The following PTH2R variants were observed in gnomAD, a reference collection of about 807,000 sequenced individuals.
The protein encoded by PTH2R is parathyroid hormone 2 receptor.
Under a neutral mutation model 60.3 loss-of-function variants are expected in PTH2R, and 59 were observed. That is an observed-to-expected ratio of 0.98 (90% CI 0.79 to 1.22). PTH2R has a LOEUF of 1.22. Among genes scored for constraint, PTH2R ranks in the 50% most tolerant of loss-of-function variants. The pLI is 0.00. For synonymous variants in PTH2R, 256 were observed against 243.8 expected, an observed-to-expected ratio of 1.05 and a Z score of -0.47; for missense variants, 749 against 682.6, an observed-to-expected ratio of 1.10 and a Z score of -1.08.
chr2:208,488,139 A>T (rs925662643), intron 10 of PTH2R, among the ~76,000 whole-genome samples: 1 of 152,194 alleles, frequency 6.6e-6, no homozygotes, highest in African/African-American at 2.4e-5. Flanking sequence ...AGAGGCAGTT[A>T]AGGAGAATGA....
chr2:208,396,740 C>A (rs1701216643), intron 1 of PTH2R, among the ~76,000 whole-genome samples: 1 of 152,186 alleles, frequency 6.6e-6, no homozygotes, highest in African/African-American at 2.4e-5. Context: ...TTGTGGAAGA[C>A]AGTGCGGTGA....
intron 1 of PTH2R, among the ~76,000 whole-genome samples, chr2:208,365,961 T>TATATATATATATATATATA (rs1491452832): frequency 9.1e-5 from 1 of 11,042 alleles, no homozygotes; most frequent in Non-Finnish European, 1.5e-4. Flanking sequence ...TATATATATA[T>TATATATATATATATATATA]TTTTTTTTTT....
intron 9 of PTH2R, among the ~76,000 whole-genome samples, chr2:208,474,025 G>A (rs1702942120): frequency 6.6e-6 from 1 of 152,132 alleles, no homozygotes; most frequent in South Asian, 2.1e-4. Flanking sequence ...CATTAGCAGA[G>A]GAGGTGCAAC....
At chr2:208,393,476 G>T (rs1234504052) in intron 1 of PTH2R, among the ~76,000 whole-genome samples, 2 of 152,122 alleles carry the variant, frequency 1.3e-5, no homozygotes, top group Non-Finnish European at 2.9e-5. Flanking sequence ...TTCATCTCCT[G>T]AGTTATTGGG....
At position 208,494,466 on chromosome 2, in the gene PTH2R, A is replaced by T. The variant is rs1703488063; in HGVS notation, c.*807A>T. On this transcript the variant is annotated 3_prime_UTR_variant, in exon 13 of 13. Coordinates refer to ENST00000272847, the MANE Select transcript of PTH2R (RefSeq NM_005048.4). Reference sequence around the variant, plus strand: ...CTTGTTTGAGCTGTTACTACATTGTACATGGCATGTGGGATCAATTAAAAA... The same window carrying T: ...CTTGTTTGAGCTGTTACTACATTGTTCATGGCATGTGGGATCAATTAAAAA... 6.6e-6 allele frequency: 1 copy of T among 152,252 alleles called. No individual in the cohort carries two copies. 9.4% of individuals were successfully genotyped at this position (152,252 alleles called of 1,614,324 possible). A position where few individuals can be genotyped will look rare whatever the true frequency, so the allele number is the denominator to read the frequency against.
intron 1 of PTH2R, among the ~76,000 whole-genome samples, chr2:208,378,266 G>A (rs1436461309): frequency 8.0e-5 from 12 of 150,070 alleles, no homozygotes; most frequent in Non-Finnish European, 1.8e-4. Context: ...CCAGGCACTC[G>A]GCAGGCTGAG....
chr2:208,369,043 G>C (rs1700645297), intron 1 of PTH2R, among the ~76,000 whole-genome samples: 2 of 151,480 alleles, frequency 1.3e-5, no homozygotes, highest in South Asian at 4.1e-4. Flanking sequence ...TGGTTTGTAG[G>C]AAAAAGTAGT....
chr2:208,394,398 G>C (rs573870694), intron 1 of PTH2R, among the ~76,000 whole-genome samples: 9 of 152,338 alleles, frequency 5.9e-5, no homozygotes, highest in African/African-American at 1.9e-4. Context: ...CTTCCTTTCA[G>C]TATGTGATCC....
At chr2:208,408,730 GAGAGAGAGAA>G (rs1701473270) in intron 1 of PTH2R, among the ~76,000 whole-genome samples, 1 of 55,170 alleles carries the variant, frequency 1.8e-5, no homozygotes, top group African/African-American at 3.7e-5. Flanking sequence ...GAAAGAGAGA[GAGAGAGAGAA>G]AGAGAGAGAG....
intron 1 of PTH2R, among the ~76,000 whole-genome samples, chr2:208,415,126 C>A (rs1369314657): frequency 6.6e-6 from 1 of 152,028 alleles, no homozygotes; most frequent in Non-Finnish European, 1.5e-5. Context: ...TAGTGAATAA[C>A]AATAGATCAA....
intron 1 of PTH2R, among the ~76,000 whole-genome samples, chr2:208,383,582 T>C (rs1700952993): frequency 6.6e-6 from 1 of 152,254 alleles, no homozygotes; most frequent in South Asian, 2.1e-4. Context: ...ATTCTGGCCA[T>C]ATTATGCAGC....
intron 1 of PTH2R, among the ~76,000 whole-genome samples, chr2:208,425,822 GCTT>G (rs1450344706): frequency 6.6e-6 from 1 of 152,138 alleles, no homozygotes; most frequent in Non-Finnish European, 1.5e-5. Context: ...AGAGTTTCCA[GCTT>G]CTTTTACTCC....
chr2:208,416,981 C>T (rs150177905), intron 1 of PTH2R, among the ~76,000 whole-genome samples: 4,414 of 152,152 alleles, frequency 0.029, 91 homozygotes, highest in Non-Finnish European at 0.043. Context: ...TATATCTATT[C>T]CATTAGTTCT....
rs775917620 is a variant in PTH2R at position 208,443,347 on chromosome 2, G to A, written c.510-1G>A. 1 of 1,543,342 alleles carries A rather than the reference G, an allele frequency of 6.5e-7. No individual in the cohort carries two copies. Among genetic ancestry groups the A allele is most frequent in the East Asian group, 2.4e-5 (1 of 41,810 alleles). ...TAAATACTGAATATTTCTCTCCGTA[G>A]ACGATTGCATTGCACTAGGAACTAT... On this transcript the variant is annotated splice_acceptor_variant, in intron 5 of 12. Coordinates refer to ENST00000272847, the MANE Select transcript of PTH2R (RefSeq NM_005048.4). LOFTEE classifies it high-confidence loss of function.
At chr2:208,375,115 A>G (rs1193963485) in intron 1 of PTH2R, among the ~76,000 whole-genome samples, 1 of 152,092 alleles carries the variant, frequency 6.6e-6, no homozygotes, top group Non-Finnish European at 1.5e-5. Flanking sequence ...TAGAGATGAG[A>G]TTTGTTTTTA....
At chr2:208,440,665 A>G (rs539484648) in intron 4 of PTH2R, among the ~76,000 whole-genome samples, 16 of 152,320 alleles carry the variant, frequency 1.1e-4, no homozygotes, top group African/African-American at 3.8e-4. Context: ...AAGGGGAGAA[A>G]ACAGGCTATT....
At chr2:208,385,172 A>G (rs921511276) in intron 1 of PTH2R, among the ~76,000 whole-genome samples, 2 of 152,052 alleles carry the variant, frequency 1.3e-5, no homozygotes, top group African/African-American at 4.8e-5. Flanking sequence ...TAAAATATAC[A>G]GGGAAATGAT....
intron 9 of PTH2R, among the ~76,000 whole-genome samples, chr2:208,476,903 C>T (rs1004685864): frequency 6.6e-6 from 1 of 152,294 alleles, no homozygotes; most frequent in African/African-American, 2.4e-5. Context: ...GAAGGGTAGG[C>T]TCCTATCCCT....
intron 8 of PTH2R, among the ~76,000 whole-genome samples, chr2:208,456,231 G>C (rs4558530): frequency 6.6e-6 from 1 of 151,472 alleles, no homozygotes; most frequent in Non-Finnish European, 1.5e-5. Context: ...AACAGAGGGA[G>C]ACTCTGTCTC....
Sources: gnomAD v4.1 joint callset for allele counts (sites outside exome capture counted in the v4.1 genomes callset) on GRCh38, gnomAD v4.1.1 for gene constraint, MANE v1.5 for transcripts, NCBI Gene and HGNC (gene_info 2026-07-23, HGNC 2026-07-21) for gene names.